The following DEDD variants were observed in gnomAD, a reference collection of about 807,000 sequenced individuals.
DEDD encodes the protein death effector domain containing, also known as death effector domain-containing protein.
DEDD carries 3 observed loss-of-function variants against 29.2 expected under a neutral mutation model. The observed-to-expected ratio is 0.10, with a 90% CI of 0.05 to 0.27. DEDD has a LOEUF of 0.27. DEDD is among the 10% of genes least tolerant of loss of function. The pLI is 1.00. For synonymous variants in DEDD, 152 were observed against 161.3 expected, an observed-to-expected ratio of 0.94 and a Z score of 0.44; for missense variants, 261 against 420.5, an observed-to-expected ratio of 0.62 and a Z score of 3.32.
chr1:161,123,030 C>G, intron 5 of DEDD, 45 bp downstream of exon 5: 1 of 1,614,206 alleles, frequency 6.2e-7, no homozygotes, highest in Non-Finnish European at 8.5e-7. Context: ...TCTTTATATT[C>G]TCCTTCAAGT....
chr1:161,120,987 T>C lies in DEDD; in HGVS notation c.*1160A>G, dbSNP rs1557974162. 19 of 1,404,490 alleles carry C rather than the reference T, an allele frequency of 1.4e-5. No homozygotes were observed. Among genetic ancestry groups the C allele is most frequent in the African/African-American group, 2.9e-5 (2 of 69,148 alleles). The allele number at this position is 1,404,490 out of a possible 1,614,324, so 87.0% of individuals were successfully genotyped here. A position where few individuals can be genotyped will look rare whatever the true frequency, so the allele number is the denominator to read the frequency against. On this transcript the variant is annotated 3_prime_UTR_variant, in exon 6 of 6. Transcript: ENST00000368006. ...TTCAGAAAGGTGGAATTTTATATAG[T>C]CATTGTTTATTTCATGGAAACTGAA... is the stretch of plus-strand genomic sequence containing the variant.
intron 2 of DEDD, among the ~76,000 whole-genome samples, chr1:161,126,470 A>C (rs1056818188): frequency 6.6e-6 from 1 of 151,008 alleles, no homozygotes; most frequent in South Asian, 2.1e-4. Flanking sequence ...CAGCTTCCCG[A>C]GTAGCTGGGA....
chr1:161,129,419 A>G lies in DEDD; in HGVS notation c.-65+1396T>C, dbSNP rs188895852. Among the ~76,000 whole-genome samples, 43 of 151,810 alleles carry G rather than the reference A, an allele frequency of 2.8e-4. 1 individual carries two copies. The highest frequency in any genetic ancestry group is 3.4e-3 in the Middle Eastern group (1 of 292). On this transcript the variant is annotated intron_variant, in intron 2 of 5. Transcript: ENST00000368006. ...AGACCAGCCTGAGCAACATGACACA[A>G]CTCCATCTCTACAAACAATAAACAA...
chr1:161,123,701 C>T lies in DEDD; in HGVS notation c.433+138G>A, dbSNP rs149839785. On this transcript the variant is annotated intron_variant, in intron 4 of 5. Coordinates refer to ENST00000368006, the MANE Select transcript of DEDD (RefSeq NM_032998.3). ...ACAGGACCTAGGAGAAATGTCACCTCGCCTGATTTTTTTTTTTTATGGGGC... is the reference window on the plus strand; with the variant it reads ...ACAGGACCTAGGAGAAATGTCACCTTGCCTGATTTTTTTTTTTTATGGGGC... 3.9e-3 allele frequency: 2,849 copies of T among 721,978 alleles called. 41 individuals carry two copies. Among genetic ancestry groups the T allele is most frequent in the Middle Eastern group, 0.019 (46 of 2,410 alleles). The allele number at this position is 721,978 out of a possible 1,614,324, so 44.7% of individuals were successfully genotyped here. A position where few individuals can be genotyped will look rare whatever the true frequency, so the allele number is the denominator to read the frequency against.
chr1:161,131,180 T>C (rs2101767410), intron 1 of DEDD: 1 of 152,334 alleles, frequency 6.6e-6, no homozygotes, highest in Middle Eastern at 3.4e-3. Flanking sequence ...CAATTCCTTA[T>C]TCCTATTTTG....
intron 1 of DEDD, among the ~76,000 whole-genome samples, chr1:161,131,536 A>G (rs1656670750): frequency 1.3e-5 from 2 of 152,108 alleles, no homozygotes; most frequent in South Asian, 2.1e-4. Flanking sequence ...TAGGGTTCCA[A>G]TATAGCCATG....
At position 161,123,898 on chromosome 1, in the gene DEDD, T is replaced by A; in HGVS notation, c.374A>T (p.Tyr125Phe). The A allele has an allele frequency of 6.2e-7, 1 of 1,614,022 alleles. No individual in the cohort carries two copies. The highest frequency in any genetic ancestry group is 8.5e-7 in the Non-Finnish European group (1 of 1,180,004). ...ATCACTGAGGGCTCTGGGGGTCACA[T>A]AGCGAATTGATGTCTCCTCCAGATA... Reference protein sequence around the residue: ...DKYLEETSIRYVTPRALSDPE... With the variant: ...DKYLEETSIRFVTPRALSDPE... The change falls in exon 4 of 6, where the codon TAT becomes TTT. Residue 125 changes from tyrosine to phenylalanine, a missense_variant. Physicochemically the swap from Tyr to Phe is conservative, Grantham distance 22. Coordinates refer to ENST00000368006, the MANE Select transcript of DEDD (RefSeq NM_032998.3).
chr1:161,123,874 T>A lies in DEDD; in HGVS notation c.398A>T (p.Asp133Val). 6.2e-7 allele frequency: 1 copy of A among 1,614,064 alleles called. No homozygotes were observed. Among genetic ancestry groups the A allele is most frequent in the East Asian group, 2.2e-5 (1 of 44,882 alleles). The change falls in exon 4 of 6, where the codon GAT becomes GTT. Residue 133 changes from aspartate (D) to valine (V), a missense_variant. Around this residue, in one of 2 missense-constraint regions of DEDD, gnomAD observed 203 missense variants for 268.7 expected, o/e 0.76. Transcript: ENST00000368006. ...IRYVTPRALSDPEPRPPQPSK... is the reference protein window; with the variant it reads ...IRYVTPRALSVPEPRPPQPSK... ...GGGCTGGGGAGGCCTTGGTTCTGGA[T>A]CACTGAGGGCTCTGGGGGTCACATA... is the stretch of plus-strand genomic sequence containing the variant.
rs551657580 is a variant in DEDD, at chr1:161,124,409, C to G, written c.54G>C (p.Glu18Asp). Reference protein sequence around the residue: ...ASQVWPEEHGEQEHGLYSLHR... With the variant: ...ASQVWPEEHGDQEHGLYSLHR... ...GCAGGCTGTACAGCCCATGTTCCTG[C>G]TCACCATGCTCTTCTGGCCACACCT... is the stretch of plus-strand genomic sequence containing the variant. The change falls in exon 3 of 6, where the codon GAG (glutamate) becomes GAC (aspartate). Residue 18 changes from glutamate (E) to aspartate (D), a missense_variant. Glu to Asp is a conservative substitution (Grantham distance 45). This residue lies in a region of DEDD where 203 missense variants were observed against 268.7 expected (regional missense o/e 0.76). Coordinates refer to ENST00000368006, the MANE Select transcript of DEDD (RefSeq NM_032998.3). The G allele has an allele frequency of 1.1e-4, 179 of 1,612,458 alleles. 3 individuals carry two copies. In the South Asian group the frequency reaches 1.9e-3, roughly 17 times the overall value.
chr1:161,124,216 G>C lies in DEDD; in HGVS notation c.247C>G (p.Arg83Gly), dbSNP rs754848698. 1.9e-6 allele frequency: 3 copies of C among 1,614,116 alleles called. No homozygotes were observed. The African/African-American group carries it at 4.0e-5, about 22-fold the overall frequency. Residue 83 changes from arginine (R) to glycine (G), a missense_variant, in exon 3 of 6, where the codon CGC (arginine) becomes GGC (glycine). By Grantham distance (125) the Arg-to-Gly change is moderately radical. Transcript: ENST00000368006. ...RQGRCDESNF[R>G]QVLQLLRIIT... Reference sequence around the variant, plus strand: ...ATGCGCAGCAGCTGCAGCACCTGGCGAAAGTTACTTTCATCACAGCGGCCC... The same window carrying C: ...ATGCGCAGCAGCTGCAGCACCTGGCCAAAGTTACTTTCATCACAGCGGCCC...
chr1:161,131,856 G>T (rs1392334372), intron 1 of DEDD, among the ~76,000 whole-genome samples: 1 of 151,616 alleles, frequency 6.6e-6, no homozygotes, highest in Non-Finnish European at 1.5e-5. Context: ...GGAAACCCCC[G>T]AACCTCTATC....
rs145348806 is a variant in DEDD at position 161,122,588 on chromosome 1, T to C, written c.581-65A>G. The C allele has an allele frequency of 2.1e-5, 32 of 1,552,244 alleles. No homozygotes were observed. In the East Asian group the frequency reaches 4.5e-4, roughly 22 times the overall value. Reference sequence around the variant, plus strand: ...TAAGGGATGAGTTTACAAGCCAAGCTTGAAAACTGAAAAGCACAACAGAAT... The same window carrying C: ...TAAGGGATGAGTTTACAAGCCAAGCCTGAAAACTGAAAAGCACAACAGAAT... On this transcript the variant is annotated intron_variant, in intron 5 of 5. Transcript: ENST00000368006. This position sits in a 1 kb window ranked among gnomAD's most constrained non-coding sequence, Gnocchi z 4.2.
At chr1:161,124,099 A>T (rs750670076) in intron 3 of DEDD, 39 bp downstream of exon 3, 55 of 1,591,150 alleles carry the variant, frequency 3.5e-5, no homozygotes, top group Non-Finnish European at 4.5e-5. Context: ...CTGGCCTCCC[A>T]CAACTCTTCC....
chr1:161,122,660 G>C lies in DEDD; in HGVS notation c.581-137C>G. ...TGACAGCTTCTCTACCTCTTCCCCA[G>C]GACTATTTCTATGTATCTCTGAAAT... On this transcript the variant is annotated intron_variant, in intron 5 of 5. Transcript: ENST00000368006. This position sits in a 1 kb window ranked among gnomAD's most constrained non-coding sequence, Gnocchi z 4.2. The C allele has an allele frequency of 8.6e-7, 1 of 1,156,576 alleles. No individual in the cohort carries two copies. Among genetic ancestry groups the C allele is most frequent in the South Asian group, 1.6e-5 (1 of 63,320 alleles). 71.6% of individuals were successfully genotyped at this position (1,156,576 alleles called of 1,614,324 possible).
At chr1:161,128,788 A>G (rs1036552875) in intron 2 of DEDD, among the ~76,000 whole-genome samples, 85 of 151,998 alleles carry the variant, frequency 5.6e-4, no homozygotes, top group Non-Finnish European at 9.0e-4. Context: ...CTCCATCCAA[A>G]CCCATCAAAC....
chr1:161,124,732 C>T (rs1192993659), intron 2 of DEDD: 5 of 514,162 alleles, frequency 9.7e-6, no homozygotes, highest in Non-Finnish European at 1.5e-5. Context: ...GAGGCCAAGG[C>T]AGGAGGATCA....
Position 161,123,196 on chromosome 1 carries a change from A to C in DEDD, c.459T>G (p.Cys153Trp). Residue 153 changes from cysteine to tryptophan, a missense_variant, in exon 5 of 6, where the codon TGT becomes TGG. Cys to Trp is a radical substitution (Grantham distance 215). Around this residue, in one of 2 missense-constraint regions of DEDD, gnomAD observed 203 missense variants for 268.7 expected, o/e 0.76. Coordinates refer to ENST00000368006, the MANE Select transcript of DEDD (RefSeq NM_032998.3). Reference sequence around the variant, plus strand: ...ACATCTGAGGACCCGAAGTGGGGCAACACACCACAGGATAGTGGGGAGGCA... The same window carrying C: ...ACATCTGAGGACCCGAAGTGGGGCACCACACCACAGGATAGTGGGGAGGCA... Reference protein sequence around the residue: ...KTVPPHYPVVCCPTSGPQMCS... With the variant: ...KTVPPHYPVVWCPTSGPQMCS... 1 of 1,614,210 alleles carries C rather than the reference A, an allele frequency of 6.2e-7. No homozygotes were observed.
At chr1:161,123,337 G>A (rs1435698484) in intron 4 of DEDD, 116 bp from the exon 5 acceptor site, 2 of 1,078,752 alleles carry the variant, frequency 1.9e-6, no homozygotes, top group Admixed American at 4.5e-5. Flanking sequence ...GTGGAAAAAT[G>A]TGACTTGAAA....
intron 2 of DEDD, among the ~76,000 whole-genome samples, chr1:161,129,409 A>G (rs897526746): frequency 6.6e-6 from 1 of 152,132 alleles, no homozygotes; most frequent in Non-Finnish European, 1.5e-5. Flanking sequence ...AGCCTGAGCA[A>G]CATGACACAA....
Sources: gnomAD v4.1 joint callset for allele counts (sites outside exome capture counted in the v4.1 genomes callset) on GRCh38, gnomAD v4.1.1 for gene constraint, gnomAD v4.1.1 regional missense constraint, Gnocchi (gnomAD v3.1) non-coding constraint, MANE v1.5 for transcripts, NCBI Gene and HGNC (gene_info 2026-07-23, HGNC 2026-07-21) for gene names.